Variants in DNAI1 observed in about 807,000 individuals in gnomAD.
The protein encoded by DNAI1 is dynein axonemal intermediate chain 1, also known as dynein, axonemal, intermediate polypeptide 1.
A neutral mutation model predicts 92.0 loss-of-function variants in DNAI1; 67 were observed. The ratio of observed to expected loss-of-function variants is 0.73; its 90% confidence interval spans 0.60 to 0.89. The LOEUF is 0.89. Ranked by LOEUF, DNAI1 falls within the 40% of genes least tolerant of loss-of-function variation. The probability of loss-of-function intolerance (pLI) is 0.00; values close to 1 mark genes in which losing one functional copy is unlikely to be tolerated. For missense variants in DNAI1, 839 were observed against 866.6 expected (o/e 0.97, Z 0.40); for synonymous variants, 323 against 319.6 (o/e 1.01, Z -0.11).
chr9:34,516,993 G>A (rs915821019), intron 18 of DNAI1, among the ~76,000 whole-genome samples: 8 of 152,034 alleles, frequency 5.3e-5, no homozygotes, highest in Admixed American at 3.3e-4. Flanking sequence ...CACCCACCTT[G>A]GCCTCCCAAA....
At chr9:34,462,123 CA>C (rs1407374516) in intron 1 of DNAI1, among the ~76,000 whole-genome samples, 1 of 152,124 alleles carries the variant, frequency 6.6e-6, no homozygotes, top group African/African-American at 2.4e-5. Flanking sequence ...GATAAAGTCC[CA>C]AAAGTCCAAT....
At chr9:34,468,748 C>T (rs1588088559) in intron 1 of DNAI1, among the ~76,000 whole-genome samples, 1 of 151,642 alleles carries the variant, frequency 6.6e-6, no homozygotes, top group African/African-American at 2.4e-5. Context: ...ATAGCTTGAA[C>T]CCAGGAGATC....
At chr9:34,496,404 T>G (rs2132068314) in intron 9 of DNAI1, among the ~76,000 whole-genome samples, 1 of 152,354 alleles carries the variant, frequency 6.6e-6, no homozygotes, top group South Asian at 2.1e-4. Flanking sequence ...TTCCTGTTAG[T>G]CCCAAACTCT....
chr9:34,507,546 G>A (rs1419667459), intron 13 of DNAI1, among the ~76,000 whole-genome samples: 1 of 152,202 alleles, frequency 6.6e-6, no homozygotes, highest in East Asian at 1.9e-4. Context: ...AAGAGGAGGG[G>A]TTGGTCTTGC....
intron 1 of DNAI1, among the ~76,000 whole-genome samples, chr9:34,470,965 A>G (rs1334494502): frequency 2.6e-5 from 4 of 152,238 alleles, no homozygotes; most frequent in Admixed American, 2.6e-4. Flanking sequence ...AATATCTTCA[A>G]AATCTCTGGG....
At chr9:34,518,653 C>T (rs562923534) in intron 19 of DNAI1, among the ~76,000 whole-genome samples, 1 of 152,346 alleles carries the variant, frequency 6.6e-6, no homozygotes, top group African/African-American at 2.4e-5. Context: ...TCTTAATTTT[C>T]TGAGGAGAGA....
intron 10 of DNAI1, among the ~76,000 whole-genome samples, chr9:34,499,797 G>A (rs1403472422): frequency 1.3e-5 from 2 of 152,148 alleles, no homozygotes; most frequent in Non-Finnish European, 2.9e-5. Context: ...GAGGGGACAC[G>A]GACAGCTGAC....
At chr9:34,495,066 G>A (rs1824692426) in intron 9 of DNAI1, among the ~76,000 whole-genome samples, 3 of 152,212 alleles carry the variant, frequency 2.0e-5, no homozygotes, top group African/African-American at 7.2e-5. Flanking sequence ...TATAGGAAGG[G>A]CCTCCTTGGT....
chr9:34,468,094 C>CA (rs1365446314), intron 1 of DNAI1, among the ~76,000 whole-genome samples: 1 of 151,872 alleles, frequency 6.6e-6, no homozygotes, highest in African/African-American at 2.4e-5. Flanking sequence ...AATACAATAT[C>CA]AGAAATAAAA....
chr9:34,520,559 T>C, intron 19 of DNAI1, 99 bp from the exon 20 acceptor site: 1 of 1,060,228 alleles, frequency 9.4e-7, no homozygotes, highest in Non-Finnish European at 1.4e-6. Context: ...AGGGGAGGGG[T>C]AGGGCACAGC....
At chr9:34,491,163 C>G (rs965972867) in intron 7 of DNAI1, among the ~76,000 whole-genome samples, 9 of 152,194 alleles carry the variant, frequency 5.9e-5, no homozygotes, top group African/African-American at 2.2e-4. Context: ...AGTCTGATGG[C>G]CTGACAGAGG....
intron 12 of DNAI1, among the ~76,000 whole-genome samples, chr9:34,503,056 G>T (rs1442787485): frequency 6.6e-6 from 1 of 152,294 alleles, no homozygotes; most frequent in African/African-American, 2.4e-5. Context: ...AGAGAAGGGG[G>T]GTGTGGAGAC....
chr9:34,483,342 C>CT, intron 1 of DNAI1, 106 bp from the exon 2 acceptor site: 2 of 1,160,908 alleles, frequency 1.7e-6, no homozygotes, highest in South Asian at 1.3e-5. Flanking sequence ...TCACCTCTCA[C>CT]TTTGACTGTG....
chr9:34,477,271 C>T lies in DNAI1; in HGVS notation c.49-6177C>T, dbSNP rs529711661. 3.5e-4 allele frequency among the ~76,000 whole-genome samples: 53 copies of T among 152,232 alleles called. No homozygotes were observed. The South Asian group carries it at 0.011, about 31-fold the overall frequency. Reference sequence around the variant, plus strand: ...TGGAGGCTTTAAATCAAGAGAATGACACAATCATATTTATGTTTTAGGAAG... The same window carrying T: ...TGGAGGCTTTAAATCAAGAGAATGATACAATCATATTTATGTTTTAGGAAG... On this transcript the variant is annotated intron_variant, in intron 1 of 19. Coordinates refer to ENST00000242317, the MANE Select transcript of DNAI1 (RefSeq NM_012144.4).
At chr9:34,503,417 C>T (rs1824870323) in intron 12 of DNAI1, among the ~76,000 whole-genome samples, 2 of 152,156 alleles carry the variant, frequency 1.3e-5, no homozygotes, top group Admixed American at 1.3e-4. Flanking sequence ...TGGAAGCTCC[C>T]AGATACCACC....
intron 19 of DNAI1, among the ~76,000 whole-genome samples, chr9:34,517,917 C>T (rs926379680): frequency 6.6e-6 from 1 of 152,194 alleles, no homozygotes; most frequent in African/African-American, 2.4e-5. Context: ...GGAAATGAGC[C>T]GCAAGGAGAG....
At chr9:34,507,374 G>A (rs1824957524) in intron 13 of DNAI1, among the ~76,000 whole-genome samples, 1 of 152,180 alleles carries the variant, frequency 6.6e-6, no homozygotes. Flanking sequence ...TATATTTTAT[G>A]TACTGTATCC....
intron 4 of DNAI1, among the ~76,000 whole-genome samples, chr9:34,487,329 G>C (rs1336022299): frequency 2.0e-5 from 3 of 152,034 alleles, no homozygotes; most frequent in Non-Finnish European, 4.4e-5. Flanking sequence ...GGGACTACAG[G>C]CGCCCGCCAC....
chr9:34,486,063 A>G (rs1416119243), intron 4 of DNAI1, among the ~76,000 whole-genome samples: 3 of 152,190 alleles, frequency 2.0e-5, no homozygotes, highest in African/African-American at 7.2e-5. Context: ...CTGACCTGAT[A>G]GACACATATT....
Sources: allele counts gnomAD v4.1 joint callset (sites outside exome capture counted in the v4.1 genomes callset), GRCh38; gene constraint gnomAD v4.1.1; transcripts MANE v1.5; gene names NCBI Gene and HGNC (gene_info 2026-07-23, HGNC 2026-07-21).